The following CES1 variants were observed in gnomAD, a reference collection of about 807,000 sequenced individuals.
The protein encoded by CES1 is liver carboxylesterase 1.
A neutral mutation model predicts 53.0 loss-of-function variants in CES1; 50 were observed. The observed-to-expected ratio is 0.94, with a 90% CI of 0.75 to 1.19. The LOEUF (loss-of-function observed/expected upper bound fraction) is 1.19, where lower values mean the gene tolerates loss of function less well. Ranked by LOEUF, CES1 falls within the 50% of genes most tolerant of loss-of-function variation. CES1 has a pLI of 0.00. For synonymous variants in CES1, 202 were observed against 210.1 expected (o/e 0.96, Z 0.33); for missense variants, 534 against 538.0 (o/e 0.99, Z 0.07).
Position 55,828,885 on chromosome 16 carries a change from C to T in CES1, c.142G>A (p.Val48Met). Residue 48 changes from valine (V) to methionine (M), a missense_variant, in exon 2 of 14, where the codon GTG (valine) becomes ATG (methionine). Val to Met is a conservative substitution (Grantham distance 21). Around this residue, in one of 5 missense-constraint regions of CES1, gnomAD observed 164 missense variants for 162.4 expected, o/e 1.01. Transcript: ENST00000360526. The stretch of plus-strand genomic sequence containing the variant: ...AAAGGGATTCCCAGGAAAATGGCCA[C>T]AGGCTGTGCAAATCCTTCTAAGCTG... ...FVSLEGFAQP[V>M]AIFLGIPFAK... The T allele has an allele frequency of 1.2e-6, 2 of 1,614,224 alleles. No individual in the cohort carries two copies. Among genetic ancestry groups the T allele is most frequent in the Middle Eastern group, 1.6e-4 (1 of 6,062 alleles).
At chr16:55,811,883 C>T (rs2031714623) in intron 9 of CES1, among the ~76,000 whole-genome samples, 1 of 152,206 alleles carries the variant, frequency 6.6e-6, no homozygotes, top group Non-Finnish European at 1.5e-5. Flanking sequence ...AGAGTAGAGC[C>T]TGACTTCAGT....
chr16:55,824,097 C>T (rs2032325922), intron 3 of CES1, among the ~76,000 whole-genome samples: 2 of 152,236 alleles, frequency 1.3e-5, no homozygotes, highest in African/African-American at 4.8e-5. Context: ...AGTTAACTAT[C>T]TCTTGGTGAA....
chr16:55,810,775 C>G lies in CES1; in HGVS notation c.1171-111G>C, dbSNP rs561918231. On this transcript the variant is annotated intron_variant, in intron 10 of 13. Coordinates refer to ENST00000360526, the MANE Select transcript of CES1 (RefSeq NM_001025195.2). ...ACCCCATAAGCCCTGTGCAACTCCCCGCTAGGGTGGAAAATGAAGTGGGAA... is the reference window on the plus strand; with the variant it reads ...ACCCCATAAGCCCTGTGCAACTCCCGGCTAGGGTGGAAAATGAAGTGGGAA... 145 of 1,467,064 alleles carry G rather than the reference C, an allele frequency of 9.9e-5. No homozygotes were observed. In the East Asian group the frequency reaches 2.4e-3, roughly 25 times the overall value. 90.9% of individuals were successfully genotyped at this position (1,467,064 alleles called of 1,614,324 possible). A position where few individuals can be genotyped will look rare whatever the true frequency, so the allele number is the denominator to read the frequency against.
At chr16:55,826,863 G>A (rs28547561) in intron 2 of CES1, among the ~76,000 whole-genome samples, 7,580 of 152,144 alleles carry the variant, frequency 0.05, 200 homozygotes, top group Middle Eastern at 0.12. Flanking sequence ...CAACATAGAT[G>A]AACACTGGTA....
chr16:55,816,662 G>T lies in CES1; in HGVS notation c.945+262C>A, dbSNP rs113094101. On this transcript the variant is annotated intron_variant, in intron 8 of 13. Transcript: ENST00000360526. ...TTTGGGGAGCAGAAAATGTAAAAAA[G>T]AAGGGGAGTGGGCAGAGCCCAGGGC... Among the ~76,000 whole-genome samples the T allele has an allele frequency of 2.8e-3, 420 of 152,300 alleles. 1 individual carries two copies. The highest frequency in any genetic ancestry group is 9.8e-3 in the African/African-American group (406 of 41,538).
intron 2 of CES1, chr16:55,827,912 C>G (rs2032480799): frequency 6.6e-6 from 1 of 152,172 alleles, no homozygotes; most frequent in Admixed American, 6.5e-5. Flanking sequence ...GATAGTTGTT[C>G]TCTCTGGGTG....
intron 7 of CES1, among the ~76,000 whole-genome samples, chr16:55,818,007 T>G (rs2032019729): frequency 6.6e-6 from 1 of 152,196 alleles, no homozygotes; most frequent in African/African-American, 2.4e-5. Flanking sequence ...CTTGAACACT[T>G]TGGTCACTTA....
At chr16:55,814,943 C>T (rs796485866) in intron 8 of CES1, among the ~76,000 whole-genome samples, 4 of 152,346 alleles carry the variant, frequency 2.6e-5, no homozygotes, top group African/African-American at 7.2e-5. Context: ...TCAGGCAGGG[C>T]TGCTGTGGGA....
intron 1 of CES1, among the ~76,000 whole-genome samples, chr16:55,829,209 G>C (rs2032545863): frequency 6.6e-6 from 1 of 152,202 alleles, no homozygotes; most frequent in Non-Finnish European, 1.5e-5. Flanking sequence ...AAAAATAAAT[G>C]CAAGAAGGAG....
rs2031666695 is a variant in CES1 at position 55,810,982 on chromosome 16, C to T, written c.1115G>A (p.Gly372Glu). The T allele has an allele frequency of 3.7e-6, 6 of 1,612,800 alleles. No homozygotes were observed. Among genetic ancestry groups the T allele is most frequent in the Non-Finnish European group, 5.1e-6 (6 of 1,179,700 alleles). Residue 372 changes from glycine (G) to glutamate (E), a missense_variant, in exon 10 of 14, where the codon GGG (glycine) becomes GAG (glutamate). Gly to Glu is a moderately conservative substitution (Grantham distance 98). Around this residue, in one of 5 missense-constraint regions of CES1, gnomAD observed 269 missense variants for 206.6 expected, o/e 1.30. Coordinates refer to ENST00000360526, the MANE Select transcript of CES1 (RefSeq NM_001025195.2). ...MQLMSYPLSE[G>E]QLDQKTAMSL... is the part of the protein sequence containing the mutation. ...CATGGCTGTCTTCTGGTCCAGTTGC[C>T]CTTCGGAGAGTGGATAGCTCATCAA...
intron 11 of CES1, among the ~76,000 whole-genome samples, chr16:55,810,294 G>T (rs1465238842): frequency 2.6e-5 from 4 of 151,808 alleles, no homozygotes; most frequent in Non-Finnish European, 5.9e-5. Context: ...TGTTATCTGG[G>T]ATCATCACCT....
At chr16:55,829,085 C>T in intron 1 of CES1, 111 bp from the exon 2 acceptor site, 1 of 1,167,998 alleles carries the variant, frequency 8.6e-7, no homozygotes, top group Non-Finnish European at 1.2e-6. Flanking sequence ...CACCTAAACC[C>T]TCTAGGCCTC....
chr16:55,832,782 G>A (rs533848156), intron 1 of CES1, among the ~76,000 whole-genome samples: 9 of 152,360 alleles, frequency 5.9e-5, no homozygotes, highest in Middle Eastern at 3.4e-3. Flanking sequence ...GCATTTGGGC[G>A]AGCAGTACAG....
chr16:55,817,137 G>A (rs140052888), intron 7 of CES1, among the ~76,000 whole-genome samples, 175 bp from the exon 8 acceptor site: 91 of 152,246 alleles, frequency 6.0e-4, no homozygotes, highest in African/African-American at 1.9e-3. Flanking sequence ...TCAGGGATGG[G>A]CATACACTCA....
rs778658482 is a variant in CES1 at position 55,810,637 on chromosome 16, C to A, written c.1198G>T (p.Ala400Ser). The change falls in exon 11 of 14, where the codon GCC becomes TCC. Residue 400 changes from alanine (A) to serine (S), a missense_variant. Ala to Ser is a moderately conservative substitution (Grantham distance 99, BLOSUM62 1). Transcript: ENST00000360526. ...GTTCCTCCTAAGTATTTCTCAGTGG[C>A]TTCTGGAATCAGTTCCTTAGCAATG... ...VCIAKELIPE[A>S]TEKYLGGTDD... The A allele has an allele frequency of 5.0e-6, 8 of 1,614,134 alleles. No individual in the cohort carries two copies. The East Asian group carries it at 1.3e-4, about 27-fold the overall frequency.
chr16:55,830,154 G>A (rs2032580638), intron 1 of CES1, among the ~76,000 whole-genome samples: 1 of 152,218 alleles, frequency 6.6e-6, no homozygotes, highest in African/African-American at 2.4e-5. Flanking sequence ...TGGTCTTAAA[G>A]GGGAATATCC....
chr16:55,814,139 G>C (rs180738514), intron 8 of CES1, among the ~76,000 whole-genome samples: 1 of 152,194 alleles, frequency 6.6e-6, no homozygotes, highest in Non-Finnish European at 1.5e-5. Flanking sequence ...AGGAGGTACC[G>C]AACCCTGGTC....
At chr16:55,827,792 A>G (rs1339082627) in intron 2 of CES1, 1 of 152,188 alleles carries the variant, frequency 6.6e-6, no homozygotes, top group Non-Finnish European at 1.5e-5. Flanking sequence ...CAGGCATCCA[A>G]ATTATCTCAA....
chr16:55,817,649 A>AGTGT (rs142550141), intron 7 of CES1, among the ~76,000 whole-genome samples: 12 of 149,370 alleles, frequency 8.0e-5, no homozygotes, highest in Middle Eastern at 3.5e-3. Context: ...ACTAGCCAGG[A>AGTGT]GTGTGTGTGT....
Sources: allele counts gnomAD v4.1 joint callset (sites outside exome capture counted in the v4.1 genomes callset), GRCh38; gene constraint gnomAD v4.1.1; regional missense constraint gnomAD v4.1.1; transcripts MANE v1.5; gene names NCBI Gene and HGNC (gene_info 2026-07-23, HGNC 2026-07-21).